Variants in EFCAB11 observed in about 807,000 individuals in gnomAD.
EFCAB11 encodes the protein EF-hand calcium binding domain 11.
EFCAB11 carries 14 observed loss-of-function variants against 23.0 expected under a neutral mutation model. The ratio of observed to expected loss-of-function variants is 0.61; its 90% CI spans 0.40 to 0.95. The LOEUF is 0.95. Ranked by LOEUF, EFCAB11 falls within the 40% of genes least tolerant of loss-of-function variation. The probability of loss-of-function intolerance (pLI) is 0.00; values close to 1 mark genes in which losing one functional copy is unlikely to be tolerated. For missense variants in EFCAB11, 198 were observed against 195.8 expected (o/e 1.01, Z -0.07); for synonymous variants, 65 against 66.6 (o/e 0.98, Z 0.11).
chr14:89,880,093 C>T (rs528779960), intron 5 of EFCAB11, among the ~76,000 whole-genome samples: 10 of 152,222 alleles, frequency 6.6e-5, no homozygotes, highest in African/African-American at 2.2e-4. Context: ...CTGTATGACT[C>T]GGCTATGTTC....
intron 5 of EFCAB11, among the ~76,000 whole-genome samples, chr14:89,905,098 G>A (rs746183316): frequency 3.9e-5 from 6 of 152,170 alleles, no homozygotes; most frequent in Non-Finnish European, 7.3e-5. Context: ...GCACAGGGAT[G>A]GAAGGAGCTG....
At chr14:89,838,600 C>T (rs1411490513) in intron 5 of EFCAB11, among the ~76,000 whole-genome samples, 1 of 152,110 alleles carries the variant, frequency 6.6e-6, no homozygotes, top group Non-Finnish European at 1.5e-5. Flanking sequence ...AACAGCATTT[C>T]ACATATGTAG....
intron 1 of EFCAB11, 171 bp downstream of exon 1, chr14:89,954,415 G>A (rs1207739186): frequency 3.3e-6 from 5 of 1,536,352 alleles, no homozygotes; most frequent in African/African-American, 2.7e-5. Flanking sequence ...AGTCCTGGAC[G>A]GGGAGCCAGG....
At chr14:89,936,015 GA>G (rs796772201) in intron 3 of EFCAB11, among the ~76,000 whole-genome samples, 47 of 140,746 alleles carry the variant, frequency 3.3e-4, no homozygotes, top group Middle Eastern at 3.6e-3. Context: ...CTCAAAAAAA[GA>G]AAAAAAAAAA....
chr14:89,897,671 A>G (rs1348601054), intron 5 of EFCAB11, among the ~76,000 whole-genome samples: 2 of 152,224 alleles, frequency 1.3e-5, no homozygotes, highest in African/African-American at 4.8e-5. Context: ...TGTTAAACAC[A>G]CTAACTTAAA....
In EFCAB11 at chr14:89,837,342, G is replaced by C. The variant is rs1022101853; in HGVS notation, c.411-40018C>G. 2.6e-5 allele frequency among the ~76,000 whole-genome samples: 4 copies of C among 152,132 alleles called. No homozygotes were observed. The South Asian group carries it at 8.3e-4, about 32-fold the overall frequency. On this transcript the variant is annotated intron_variant, in intron 5 of 5. Coordinates refer to ENST00000316738, the MANE Select transcript of EFCAB11 (RefSeq NM_145231.4). ...CAAGAAACTGGAGTGTGGGAGAAGA[G>C]AGGATGGGATATTTCTTTCCTGTAG...
intron 5 of EFCAB11, among the ~76,000 whole-genome samples, chr14:89,883,686 G>C (rs1212707895): frequency 6.6e-6 from 1 of 152,192 alleles, no homozygotes; most frequent in African/African-American, 2.4e-5. Flanking sequence ...TGCTGATATA[G>C]AGGGCCAAAT....
chr14:89,863,796 AT>A (rs969868471), intron 5 of EFCAB11, among the ~76,000 whole-genome samples: 5 of 152,216 alleles, frequency 3.3e-5, no homozygotes, highest in African/African-American at 1.2e-4. Flanking sequence ...AATGCTACAC[AT>A]TTTGCCTGAT....
intron 5 of EFCAB11, among the ~76,000 whole-genome samples, chr14:89,849,890 A>C (rs1887550849): frequency 6.6e-6 from 1 of 152,158 alleles, no homozygotes; most frequent in Non-Finnish European, 1.5e-5. Flanking sequence ...TATTTAGATA[A>C]ATTCTACGCT....
rs148717409 is a variant in EFCAB11, at chr14:89,802,104, T to C, written c.411-4780A>G. Among the ~76,000 whole-genome samples, 361 of 152,242 alleles carry C rather than the reference T, an allele frequency of 2.4e-3. 2 individuals are homozygous for C. The highest frequency in any genetic ancestry group is 8.3e-3 in the African/African-American group (344 of 41,556). ...TTAGAATGTTCTGAAAGTGGTTATT[T>C]CTTGGAAAATCATTTTTCTTGTAAA... On this transcript the variant is annotated intron_variant, in intron 5 of 5. Coordinates refer to ENST00000316738, the MANE Select transcript of EFCAB11 (RefSeq NM_145231.4).
rs946835685 is a variant in EFCAB11, at chr14:89,856,528, T to C, written c.411-59204A>G. On this transcript the variant is annotated intron_variant, in intron 5 of 5. Transcript: ENST00000316738. ...GAAATCTCCATACTGATTTCCATAA[T>C]GGCTGTACCAATGTACATTCCCAAC... is the stretch of plus-strand genomic sequence containing the variant. 3.9e-5 allele frequency among the ~76,000 whole-genome samples: 6 copies of C among 152,200 alleles called. No individual in the cohort carries two copies. In the East Asian group the frequency reaches 5.8e-4, roughly 15 times the overall value.
chr14:89,886,535 AAAAAAAAAAG>A (rs1457690631), intron 5 of EFCAB11, among the ~76,000 whole-genome samples: 2 of 145,410 alleles, frequency 1.4e-5, no homozygotes, highest in Non-Finnish European at 3.0e-5. Flanking sequence ...AAAAAAAAAA[AAAAAAAAAAG>A]GAAAGTGATC....
In EFCAB11 at chr14:89,856,644, C is replaced by T. The variant is rs1293879079; in HGVS notation, c.411-59320G>A. Reference sequence around the variant, plus strand: ...AGCCATCCTAACAGCTATGAAGTAGCATCTCACAGTGATTTTGATTTGCAT... The same window carrying T: ...AGCCATCCTAACAGCTATGAAGTAGTATCTCACAGTGATTTTGATTTGCAT... On this transcript the variant is annotated intron_variant, in intron 5 of 5. Coordinates refer to ENST00000316738, the MANE Select transcript of EFCAB11 (RefSeq NM_145231.4). Among the ~76,000 whole-genome samples, 16 of 152,274 alleles carry T rather than the reference C, an allele frequency of 1.1e-4. No homozygotes were observed. In the East Asian group the frequency reaches 2.7e-3, roughly 26 times the overall value.
chr14:89,871,019 A>C (rs1596413479), intron 5 of EFCAB11, among the ~76,000 whole-genome samples: 2 of 152,192 alleles, frequency 1.3e-5, no homozygotes, highest in African/African-American at 4.8e-5. Context: ...ACATCTTCTT[A>C]AGTAATCACT....
chr14:89,869,217 A>G (rs1888192056), intron 5 of EFCAB11, among the ~76,000 whole-genome samples: 1 of 152,118 alleles, frequency 6.6e-6, no homozygotes, highest in African/African-American at 2.4e-5. Context: ...GAAAAACAAA[A>G]ATAAAAATAT....
chr14:89,949,524 C>T (rs185250362), intron 3 of EFCAB11, among the ~76,000 whole-genome samples: 102 of 151,544 alleles, frequency 6.7e-4, no homozygotes, highest in African/African-American at 2.3e-3. Flanking sequence ...GCCACCACGC[C>T]CAGCTAATTT....
intron 5 of EFCAB11, among the ~76,000 whole-genome samples, chr14:89,806,129 A>G (rs1046444978): frequency 2.0e-5 from 3 of 152,198 alleles, no homozygotes; most frequent in Non-Finnish European, 4.4e-5. Context: ...CCAGTCCAAG[A>G]AAAAAGGAAA....
At chr14:89,851,695 G>A (rs1566784119) in intron 5 of EFCAB11, among the ~76,000 whole-genome samples, 1 of 152,340 alleles carries the variant, frequency 6.6e-6, no homozygotes, top group East Asian at 1.9e-4. Context: ...CAGGGCTCCT[G>A]TTTTAAGAAT....
intron 3 of EFCAB11, among the ~76,000 whole-genome samples, chr14:89,946,145 C>A (rs780218271): frequency 1.5e-4 from 23 of 152,086 alleles, no homozygotes; most frequent in Non-Finnish European, 2.8e-4. Context: ...AACTCCTGGC[C>A]TCAAGTGATT....
Sources: gnomAD v4.1 joint callset for allele counts (sites outside exome capture counted in the v4.1 genomes callset) on GRCh38, gnomAD v4.1.1 for gene constraint, MANE v1.5 for transcripts, NCBI Gene and HGNC (gene_info 2026-07-23, HGNC 2026-07-21) for gene names.